Variants in ZSWIM5 observed in about 807,000 individuals in gnomAD.
The protein encoded by ZSWIM5 is zinc finger SWIM-type containing 5.
A neutral mutation model predicts 119.6 loss-of-function variants in ZSWIM5; 55 were observed. That is an observed-to-expected ratio of 0.46 (90% CI 0.37 to 0.58). The LOEUF is 0.58. ZSWIM5 is among the 20% of genes least tolerant of loss of function. The pLI is 0.00. For synonymous variants in ZSWIM5, 537 were observed against 606.9 expected, an observed-to-expected ratio of 0.88 and a Z score of 1.69; for missense variants, 1,193 against 1,512.8, an observed-to-expected ratio of 0.79 and a Z score of 3.51.
chr1:45,199,153 AGTGT>A (rs1432507839), intron 1 of ZSWIM5, among the ~76,000 whole-genome samples: 10 of 151,394 alleles, frequency 6.6e-5, no homozygotes, highest in African/African-American at 2.4e-4. Context: ...TAACCATTTT[AGTGT>A]GTGTGTAATG....
At chr1:45,147,918 G>C (rs1472357972) in intron 1 of ZSWIM5, among the ~76,000 whole-genome samples, 1 of 152,152 alleles carries the variant, frequency 6.6e-6, no homozygotes, top group Non-Finnish European at 1.5e-5. Context: ...AGAGAGATGT[G>C]GGGGAGGGTC....
At chr1:45,051,991 C>T (rs1384466569) in intron 4 of ZSWIM5, among the ~76,000 whole-genome samples, 1 of 127,580 alleles carries the variant, frequency 7.8e-6, no homozygotes, top group Non-Finnish European at 1.6e-5. Flanking sequence ...AAAACCATTA[C>T]TTTCTTGGGA....
At chr1:45,117,594 C>A (rs961093289) in intron 1 of ZSWIM5, among the ~76,000 whole-genome samples, 1 of 152,128 alleles carries the variant, frequency 6.6e-6, no homozygotes, top group African/African-American at 2.4e-5. Context: ...ATGGCTTGAG[C>A]CTGGGAGATT....
chr1:45,139,238 A>G (rs1645709548), intron 1 of ZSWIM5, among the ~76,000 whole-genome samples: 1 of 151,998 alleles, frequency 6.6e-6, no homozygotes, highest in African/African-American at 2.4e-5. Flanking sequence ...CTGTGGTGCC[A>G]TGGCACAATC....
rs1461609608 is a variant in ZSWIM5 at position 45,106,437 on chromosome 1, G to A, written c.596-18200C>T. ...CCGGCCGCCCCATCTGGGATATGAG[G>A]AGCGCCTCTGCCCGGCCGCCCTGTC... is the stretch of plus-strand genomic sequence containing the variant. On this transcript the variant is annotated intron_variant, in intron 1 of 13. Coordinates refer to ENST00000359600, the MANE Select transcript of ZSWIM5 (RefSeq NM_020883.2). Among the ~76,000 whole-genome samples the A allele has an allele frequency of 4.8e-4, 72 of 148,656 alleles. 1 individual carries two copies. The highest frequency in any genetic ancestry group is 4.5e-5 in the Non-Finnish European group (3 of 67,098).
intron 4 of ZSWIM5, among the ~76,000 whole-genome samples, chr1:45,054,486 G>T (rs888243736): frequency 2.6e-5 from 4 of 152,020 alleles, no homozygotes; most frequent in Non-Finnish European, 5.9e-5. Flanking sequence ...GGAGGCTGAG[G>T]CAGAAGAATT....
intron 1 of ZSWIM5, among the ~76,000 whole-genome samples, chr1:45,092,264 G>C (rs925380052): frequency 6.6e-5 from 10 of 152,034 alleles, no homozygotes; most frequent in Non-Finnish European, 1.2e-4. Context: ...GAATTTGATA[G>C]TAGGTGTGAT....
At chr1:45,123,193 C>T (rs901250492) in intron 1 of ZSWIM5, among the ~76,000 whole-genome samples, 18 of 151,778 alleles carry the variant, frequency 1.2e-4, no homozygotes, top group Non-Finnish European at 2.9e-5. Flanking sequence ...AATATAATGC[C>T]CCAAATGTCC....
intron 1 of ZSWIM5, among the ~76,000 whole-genome samples, chr1:45,192,015 C>T (rs1470182006): frequency 1.3e-5 from 2 of 152,188 alleles, no homozygotes; most frequent in Non-Finnish European, 2.9e-5. Context: ...TTAGTAATCA[C>T]TCCCCTTACT....
chr1:45,095,899 A>C (rs1645398230), intron 1 of ZSWIM5, among the ~76,000 whole-genome samples: 1 of 152,214 alleles, frequency 6.6e-6, no homozygotes, highest in Non-Finnish European at 1.5e-5. Context: ...GAAAAAAAAC[A>C]CATAAAGTGG....
intron 1 of ZSWIM5, among the ~76,000 whole-genome samples, chr1:45,181,777 C>T (rs1382835649): frequency 6.6e-6 from 1 of 152,074 alleles, no homozygotes; most frequent in Non-Finnish European, 1.5e-5. Flanking sequence ...GGCCAATATT[C>T]AACATTCTTA....
intron 5 of ZSWIM5, among the ~76,000 whole-genome samples, chr1:45,050,062 T>C (rs1383188986): frequency 1.3e-5 from 2 of 151,994 alleles, no homozygotes; most frequent in Non-Finnish European, 2.9e-5. Context: ...TTATTTGAAA[T>C]AAAAGGAACT....
rs191316179 is a variant in ZSWIM5 at position 45,034,547 on chromosome 1, G to A, written c.2292-78C>T. 361 of 1,493,720 alleles carry A rather than the reference G, an allele frequency of 2.4e-4. 3 individuals carry two copies. The East Asian group carries it at 6.7e-3, about 28-fold the overall frequency. 92.5% of individuals were successfully genotyped at this position (1,493,720 alleles called of 1,614,324 possible). A position where few individuals can be genotyped will look rare whatever the true frequency, so the allele number is the denominator to read the frequency against. On this transcript the variant is annotated intron_variant, in intron 10 of 13. Transcript: ENST00000359600. The stretch of plus-strand genomic sequence containing the variant: ...GCCACCTTAGAGAAGCTTGCTCTTT[G>A]CTGGGGAGGAACTGGGGAGAGGAAA...
Position 45,036,216 on chromosome 1 carries a change from A to C in ZSWIM5, c.1978T>G (p.Leu660Val), listed in dbSNP as rs756096101. 1 of 1,614,174 alleles carries C rather than the reference A, an allele frequency of 6.2e-7. No homozygotes were observed. Among genetic ancestry groups the C allele is most frequent in the Non-Finnish European group, 8.5e-7 (1 of 1,180,042 alleles). Residue 660 changes from leucine to valine, a missense_variant, in exon 9 of 14, where the codon TTG becomes GTG. Around this residue, in one of 2 missense-constraint regions of ZSWIM5, gnomAD observed 961 missense variants for 1,290.0 expected, o/e 0.74. Transcript: ENST00000359600. ...SPNSSESYLSLALEVALMGLG... is the reference protein window; with the variant it reads ...SPNSSESYLSVALEVALMGLG... ...CCCATCAGTGCAACTTCCAGGGCCA[A>C]TGACAGGTAGGACTCACTGCTGTTT...
chr1:45,191,257 T>A (rs1025991676), intron 1 of ZSWIM5, among the ~76,000 whole-genome samples: 3 of 152,156 alleles, frequency 2.0e-5, no homozygotes, highest in Non-Finnish European at 4.4e-5. Flanking sequence ...TTTACGCTCC[T>A]ACCTTGCTCA....
chr1:45,080,086 G>C (rs746433518), intron 2 of ZSWIM5, among the ~76,000 whole-genome samples: 36 of 152,114 alleles, frequency 2.4e-4, no homozygotes, highest in Non-Finnish European at 4.4e-5. Context: ...GAACTGCCTG[G>C]GGTTAAGGGA....
At chr1:45,022,433 A>T (rs1404146690) in intron 11 of ZSWIM5, among the ~76,000 whole-genome samples, 1 of 152,180 alleles carries the variant, frequency 6.6e-6, no homozygotes, top group Non-Finnish European at 1.5e-5. Flanking sequence ...CCTGACCTCT[A>T]TGATTCTATT....
Position 45,019,144 on chromosome 1 carries a change from C to A in ZSWIM5, c.2868G>T (p.Gln956His). The A allele has an allele frequency of 6.2e-7, 1 of 1,614,016 alleles. No individual in the cohort carries two copies. The highest frequency in any genetic ancestry group is 8.5e-7 in the Non-Finnish European group (1 of 1,180,018). Residue 956 changes from glutamine (Q) to histidine (H), a missense_variant, in exon 14 of 14, where the codon CAG (glutamine) becomes CAT (histidine). This residue lies in a region of ZSWIM5 where 961 missense variants were observed against 1,290.0 expected (regional missense o/e 0.74). Transcript: ENST00000359600. This position sits in a 1 kb window ranked among gnomAD's most constrained non-coding sequence, Gnocchi z 5.0. ...LASCARTLAL[Q>H]CAMKDPQSCA... ...AGCTCTGTGGATCCTTCATAGCACA[C>A]TGTAGAGCCAGTGTGCGAGCACAGC... is the stretch of plus-strand genomic sequence containing the variant.
At chr1:45,196,324 G>T (rs554196017) in intron 1 of ZSWIM5, among the ~76,000 whole-genome samples, 78 of 141,372 alleles carry the variant, frequency 5.5e-4, no homozygotes, top group East Asian at 1.4e-3. Flanking sequence ...TGTTTTTTTG[G>T]TTTTTTTTTA....
Sources: allele counts gnomAD v4.1 joint callset (sites outside exome capture counted in the v4.1 genomes callset), GRCh38; gene constraint gnomAD v4.1.1; regional missense constraint gnomAD v4.1.1; non-coding constraint Gnocchi (gnomAD v3.1); transcripts MANE v1.5; gene names NCBI Gene and HGNC (gene_info 2026-07-23, HGNC 2026-07-21).